Variants in AGAP1 observed in about 807,000 individuals in gnomAD.
AGAP1 encodes the protein ArfGAP with GTPase domain, ankyrin repeat and PH domain 1, also known as arf-GAP with GTPase, ANK repeat and PH domain-containing protein 1.
A neutral mutation model predicts 105.3 loss-of-function variants in AGAP1; 29 were observed. The observed-to-expected ratio is 0.28, with a 90% CI of 0.21 to 0.38. The LOEUF (loss-of-function observed/expected upper bound fraction) is 0.38. Among genes scored for constraint, AGAP1 ranks in the 10% least tolerant of loss-of-function variants. The pLI, the probability that AGAP1 is intolerant of heterozygous loss-of-function variation, is 1.00. For synonymous variants in AGAP1, 509 were observed against 485.9 expected, an observed-to-expected ratio of 1.05 and a Z score of -0.63; for missense variants, 998 against 1,165.1, an observed-to-expected ratio of 0.86 and a Z score of 2.09.
intron 8 of AGAP1, among the ~76,000 whole-genome samples, chr2:235,802,521 C>G (rs1453607697): frequency 6.6e-6 from 1 of 152,198 alleles, no homozygotes; most frequent in African/African-American, 2.4e-5. Flanking sequence ...ATAAAAGAAG[C>G]TACCACTGCA....
In AGAP1 at chr2:235,559,453, A is replaced by G. The variant is rs1352012676; in HGVS notation, c.163+64604A>G. The stretch of plus-strand genomic sequence containing the variant: ...GTGATTGATTGACGTTAGTGTCGGT[A>G]TCTCTCATTGCGAACATTCTTCTCT... On this transcript the variant is annotated intron_variant, in intron 1 of 17. Coordinates refer to ENST00000304032, the MANE Select transcript of AGAP1 (RefSeq NM_001037131.3). The surrounding 1 kb of genome is among the most constrained non-coding windows in gnomAD (Gnocchi z 5.7). Among the ~76,000 whole-genome samples, 5 of 152,208 alleles carry G rather than the reference A, an allele frequency of 3.3e-5. No individual in the cohort carries two copies. The South Asian group carries it at 8.3e-4, about 25-fold the overall frequency.
chr2:235,838,683 C>T lies in AGAP1; in HGVS notation c.1050+31352C>T, dbSNP rs1303838631. Among the ~76,000 whole-genome samples, 13 of 152,298 alleles carry T rather than the reference C, an allele frequency of 8.5e-5. No homozygotes were observed. In the East Asian group the frequency reaches 1.9e-3, roughly 23 times the overall value. On this transcript the variant is annotated intron_variant, in intron 9 of 17. Transcript: ENST00000304032. Reference sequence around the variant, plus strand: ...CAGGCTTGTCTCAGTAACTGCTGTGCAGATCTGACTGTACTAGGTATGCAC... The same window carrying T: ...CAGGCTTGTCTCAGTAACTGCTGTGTAGATCTGACTGTACTAGGTATGCAC...
At chr2:236,033,680 A>G (rs2125649696) in intron 13 of AGAP1, among the ~76,000 whole-genome samples, 1 of 152,314 alleles carries the variant, frequency 6.6e-6, no homozygotes, top group South Asian at 2.1e-4. Context: ...AATCCCTTCC[A>G]CCCAGCCCAG....
chr2:235,802,660 G>A (rs1049222306), intron 8 of AGAP1, among the ~76,000 whole-genome samples: 7 of 142,380 alleles, frequency 4.9e-5, no homozygotes, highest in Non-Finnish European at 1.1e-4. Flanking sequence ...TGATGATGAT[G>A]GTTGTGGTTG....
At position 235,683,437 on chromosome 2, in the gene AGAP1, A is replaced by G. The variant is rs1177538328; in HGVS notation, c.164-25742A>G. On this transcript the variant is annotated intron_variant, in intron 1 of 17. Coordinates refer to ENST00000304032, the MANE Select transcript of AGAP1 (RefSeq NM_001037131.3). ...TACACATATTGATATAATGCCATCT[A>G]CATTTGTATAATTTATAAATATTAT... Among the ~76,000 whole-genome samples, 4 of 151,670 alleles carry G rather than the reference A, an allele frequency of 2.6e-5. No individual in the cohort carries two copies. The East Asian group carries it at 5.8e-4, about 22-fold the overall frequency.
rs2053965 is a variant in AGAP1 at position 236,058,520 on chromosome 2, A to C, written c.2114+9239A>C. Among the ~76,000 whole-genome samples the C allele has an allele frequency of 0.014, 2,145 of 152,328 alleles. 52 individuals carry two copies. Among genetic ancestry groups the C allele is most frequent in the African/African-American group, 0.048 (1,999 of 41,556 alleles). ...TACAGAAAATACATTTGACAAAACC[A>C]CGTGCCCTTTCATGGTAACAAACAC... On this transcript the variant is annotated intron_variant, in intron 16 of 17. Coordinates refer to ENST00000304032, the MANE Select transcript of AGAP1 (RefSeq NM_001037131.3). The surrounding 1 kb of genome is among the most constrained non-coding windows in gnomAD (Gnocchi z 4.6).
chr2:236,015,365 C>T (rs558608213), intron 13 of AGAP1, among the ~76,000 whole-genome samples: 25 of 134,202 alleles, frequency 1.9e-4, no homozygotes, highest in African/African-American at 7.2e-4. Flanking sequence ...CAGGCAGGCC[C>T]GGGCCATTTG....
rs1006719901 is a variant in AGAP1 at position 236,061,208 on chromosome 2, C to T, written c.2114+11927C>T. Among the ~76,000 whole-genome samples the T allele has an allele frequency of 4.6e-5, 7 of 152,192 alleles. No homozygotes were observed. The East Asian group carries it at 1.3e-3, about 29-fold the overall frequency. Reference sequence around the variant, plus strand: ...AATGCAGATCACCCTTGAGCCCCCACCGCACGTGCTCTTGGACGGTCGTGG... The same window carrying T: ...AATGCAGATCACCCTTGAGCCCCCATCGCACGTGCTCTTGGACGGTCGTGG... On this transcript the variant is annotated intron_variant, in intron 16 of 17. Transcript: ENST00000304032. This position sits in a 1 kb window ranked among gnomAD's most constrained non-coding sequence, Gnocchi z 4.1.
chr2:235,577,675 G>T lies in AGAP1; in HGVS notation c.163+82826G>T, dbSNP rs1458095139. Among the ~76,000 whole-genome samples, 1 of 152,102 alleles carries T rather than the reference G, an allele frequency of 6.6e-6. No homozygotes were observed. The highest frequency in any genetic ancestry group is 1.5e-5 in the Non-Finnish European group (1 of 68,036). On this transcript the variant is annotated intron_variant, in intron 1 of 17. Coordinates refer to ENST00000304032, the MANE Select transcript of AGAP1 (RefSeq NM_001037131.3). This position sits in a 1 kb window ranked among gnomAD's most constrained non-coding sequence, Gnocchi z 4.5. ...ACTCTGAGCATTCGGAACATTCGCCGAGTGGAACGTGTGTGTCGTCATCCC... is the reference window on the plus strand; with the variant it reads ...ACTCTGAGCATTCGGAACATTCGCCTAGTGGAACGTGTGTGTCGTCATCCC...
In AGAP1 at chr2:235,639,572, G is replaced by T. The variant is rs906296544; in HGVS notation, c.164-69607G>T. On this transcript the variant is annotated intron_variant, in intron 1 of 17. Transcript: ENST00000304032. The surrounding 1 kb of genome is among the most constrained non-coding windows in gnomAD (Gnocchi z 5.3). ...CTCATGGTGGGTGGGACTTGTCGCC[G>T]TCATGCACTCAGCACTCTCTGGCCT... Among the ~76,000 whole-genome samples, 1 of 152,138 alleles carries T rather than the reference G, an allele frequency of 6.6e-6. No homozygotes were observed. Among genetic ancestry groups the T allele is most frequent in the Non-Finnish European group, 1.5e-5 (1 of 68,032 alleles).
rs1280175995 is a variant in AGAP1 at position 235,908,137 on chromosome 2, A to G, written c.1156-601A>G. On this transcript the variant is annotated intron_variant, in intron 10 of 17. Transcript: ENST00000304032. The surrounding 1 kb of genome is among the most constrained non-coding windows in gnomAD (Gnocchi z 4.4). Reference sequence around the variant, plus strand: ...CAGTGAGTTAAGTGAGCTGCCAGAGAGCAGTCACTGTCCACCGAGGCTTCC... The same window carrying G: ...CAGTGAGTTAAGTGAGCTGCCAGAGGGCAGTCACTGTCCACCGAGGCTTCC... Among the ~76,000 whole-genome samples the G allele has an allele frequency of 6.6e-6, 1 of 152,156 alleles. No homozygotes were observed. The highest frequency in any genetic ancestry group is 1.5e-5 in the Non-Finnish European group (1 of 68,042).
rs969527564 is a variant in AGAP1, at chr2:236,042,637, C to T, written c.1891+1796C>T. Among the ~76,000 whole-genome samples the T allele has an allele frequency of 7.2e-5, 11 of 152,180 alleles. No individual in the cohort carries two copies. The highest frequency in any genetic ancestry group is 3.9e-4 in the East Asian group (2 of 5,160). The stretch of plus-strand genomic sequence containing the variant: ...TAAAAGGAAAGCCATCCGTGGCTTG[C>T]GGGGACCATGATACCTGGCAAATCG... On this transcript the variant is annotated intron_variant, in intron 15 of 17. Coordinates refer to ENST00000304032, the MANE Select transcript of AGAP1 (RefSeq NM_001037131.3). This position sits in a 1 kb window ranked among gnomAD's most constrained non-coding sequence, Gnocchi z 5.6.
chr2:235,708,035 G>A (rs1411146129), intron 1 of AGAP1, among the ~76,000 whole-genome samples: 2 of 152,228 alleles, frequency 1.3e-5, no homozygotes, highest in South Asian at 2.1e-4. Flanking sequence ...TTGCCCTCCT[G>A]TGTCACACCC....
intron 9 of AGAP1, among the ~76,000 whole-genome samples, chr2:235,823,428 G>A (rs1041476580): frequency 5.3e-5 from 8 of 152,128 alleles, no homozygotes; most frequent in African/African-American, 1.7e-4. Context: ...GAGCCACCAC[G>A]CCCAGCTCTA....
At position 235,823,286 on chromosome 2, in the gene AGAP1, C is replaced by T. The variant is rs1418815703; in HGVS notation, c.1050+15955C>T. ...CCTAAGATTTATTTTTCCCTACCAT[C>T]TTCCCATTGTTGCCCAAATAACTGA... On this transcript the variant is annotated intron_variant, in intron 9 of 17. Transcript: ENST00000304032. Among the ~76,000 whole-genome samples, 7 of 152,100 alleles carry T rather than the reference C, an allele frequency of 4.6e-5. No homozygotes were observed. The East Asian group carries it at 1.2e-3, about 25-fold the overall frequency.
chr2:235,930,560 C>G lies in AGAP1; in HGVS notation c.1325-205C>G, dbSNP rs1400416107. Among the ~76,000 whole-genome samples the G allele has an allele frequency of 2.0e-5, 3 of 152,056 alleles. No homozygotes were observed. Among genetic ancestry groups the G allele is most frequent in the South Asian group, 2.1e-4 (1 of 4,816 alleles). ...ATCGGGTCCCTTCACATTGCTTTGT[C>G]AGGCACCATCAAGATTGGCGTCCCC... On this transcript the variant is annotated intron_variant, in intron 11 of 17. Transcript: ENST00000304032. The surrounding 1 kb of genome is among the most constrained non-coding windows in gnomAD (Gnocchi z 7.9).
intron 1 of AGAP1, among the ~76,000 whole-genome samples, chr2:235,704,546 T>C (rs1476351202): frequency 6.6e-6 from 1 of 152,204 alleles, no homozygotes; most frequent in Non-Finnish European, 1.5e-5. Context: ...CTCGAGAGGC[T>C]GAGGCAGGAG....
rs1052656983 is a variant in AGAP1, at chr2:235,919,450, T to C, written c.1324+10544T>C. Among the ~76,000 whole-genome samples, 1 of 152,190 alleles carries C rather than the reference T, an allele frequency of 6.6e-6. No individual in the cohort carries two copies. The highest frequency in any genetic ancestry group is 1.5e-5 in the Non-Finnish European group (1 of 68,042). ...CCCGTAACATCCCAACCAGCAAACC[T>C]GTAAAACCCGCCTCATGTTATCAGA... On this transcript the variant is annotated intron_variant, in intron 11 of 17. Transcript: ENST00000304032. The surrounding 1 kb of genome is among the most constrained non-coding windows in gnomAD (Gnocchi z 4.1).
At position 235,552,561 on chromosome 2, in the gene AGAP1, C is replaced by T. The variant is rs139544133; in HGVS notation, c.163+57712C>T. On this transcript the variant is annotated intron_variant, in intron 1 of 17. Transcript: ENST00000304032. This position sits in a 1 kb window ranked among gnomAD's most constrained non-coding sequence, Gnocchi z 5.9. Reference sequence around the variant, plus strand: ...ATTCAGTTGCCCTCATGAGCTCACCCGCAATGTGTGTAGGGGGATGCTGCT... The same window carrying T: ...ATTCAGTTGCCCTCATGAGCTCACCTGCAATGTGTGTAGGGGGATGCTGCT... 2.0e-5 allele frequency among the ~76,000 whole-genome samples: 3 copies of T among 152,230 alleles called. No homozygotes were observed. The highest frequency in any genetic ancestry group is 1.9e-4 in the East Asian group (1 of 5,152).
Sources: gnomAD v4.1 joint callset for allele counts (sites outside exome capture counted in the v4.1 genomes callset) on GRCh38, gnomAD v4.1.1 for gene constraint, Gnocchi (gnomAD v3.1) non-coding constraint, MANE v1.5 for transcripts, NCBI Gene and HGNC (gene_info 2026-07-23, HGNC 2026-07-21) for gene names.